DNAAF5: variants seen among roughly 807,000 people sequenced by gnomAD.
DNAAF5 encodes the protein dynein axonemal assembly factor 5.
DNAAF5 carries 64 observed loss-of-function variants against 75.8 expected under a neutral mutation model. That is an observed-to-expected ratio of 0.84 (90% CI 0.69 to 1.04). The LOEUF is 1.04. Ranked by LOEUF, DNAAF5 falls within the 50% of genes least tolerant of loss-of-function variation. DNAAF5 has a pLI of 0.00. For synonymous variants in DNAAF5, 657 were observed against 557.2 expected, an observed-to-expected ratio of 1.18 and a Z score of -2.52; for missense variants, 1,269 against 1,178.5, an observed-to-expected ratio of 1.08 and a Z score of -1.12.
chr7:740,686 T>C (rs757468786), intron 2 of DNAAF5, 133 bp from the exon 3 acceptor site: 4 of 1,270,118 alleles, frequency 3.1e-6, no homozygotes, highest in Non-Finnish European at 4.4e-6. Flanking sequence ...TAGGCGGTGG[T>C]AGGTGGCCCA....
At chr7:732,309 G>C (rs924094088) in intron 2 of DNAAF5, among the ~76,000 whole-genome samples, 1 of 152,258 alleles carries the variant, frequency 6.6e-6, no homozygotes, top group Non-Finnish European at 1.5e-5. Context: ...GAACCCCGGC[G>C]AGGCAGGCAG....
intron 7 of DNAAF5, among the ~76,000 whole-genome samples, chr7:763,498 G>A (rs1782728609): frequency 1.3e-5 from 2 of 152,198 alleles, no homozygotes; most frequent in African/African-American, 2.4e-5. Context: ...CTGCCCAGGC[G>A]GACACCACGT....
Position 756,907 on chromosome 7 carries a change from G to C in DNAAF5, c.1383G>C (p.Arg461=), listed in dbSNP as rs370779107. ...SGLLVLASAM[R]GCPREALQPH... ...TCCTGGTGCTGGCCTCCGCCATGCGGGGTTGCCCCCGAGAAGCCCTCCAGC... is the reference window on the plus strand; with the variant it reads ...TCCTGGTGCTGGCCTCCGCCATGCGCGGTTGCCCCCGAGAAGCCCTCCAGC... Residue 461 remains arginine (R), a synonymous_variant, in exon 6 of 13, where the codon CGG becomes CGC. Transcript: ENST00000297440. 2 of 1,612,102 alleles carry C rather than the reference G, an allele frequency of 1.2e-6. No homozygotes were observed. The highest frequency in any genetic ancestry group is 8.5e-7 in the Non-Finnish European group (1 of 1,179,994).
chr7:732,759 G>A (rs1781626317), intron 2 of DNAAF5, among the ~76,000 whole-genome samples: 1 of 152,116 alleles, frequency 6.6e-6, no homozygotes, highest in African/African-American at 2.4e-5. Context: ...GGGTATTTGT[G>A]CAGCTGTTTG....
intron 2 of DNAAF5, among the ~76,000 whole-genome samples, chr7:730,863 C>T (rs763803055): frequency 4.6e-5 from 7 of 152,196 alleles, no homozygotes; most frequent in Non-Finnish European, 8.8e-5. Flanking sequence ...GTACGCTGGC[C>T]GGCCCCTCCT....
intron 8 of DNAAF5, among the ~76,000 whole-genome samples, chr7:767,343 T>C (rs1017006612): frequency 6.6e-6 from 1 of 151,858 alleles, no homozygotes; most frequent in African/African-American, 2.4e-5. Flanking sequence ...CAAGGTGCTT[T>C]TGGAAAGCCG....
chr7:729,562 G>A (rs1341911629), intron 1 of DNAAF5, 101 bp from the exon 2 acceptor site: 6 of 1,109,400 alleles, frequency 5.4e-6, no homozygotes, highest in Non-Finnish European at 7.8e-6. Context: ...AGGAAGGGAG[G>A]TGAGGAACTC....
intron 12 of DNAAF5, among the ~76,000 whole-genome samples, chr7:782,067 C>G (rs913257752): frequency 6.6e-6 from 1 of 152,194 alleles, no homozygotes; most frequent in Non-Finnish European, 1.5e-5. Context: ...CAGCTGCGTC[C>G]GGTTTCCCGG....
intron 11 of DNAAF5, among the ~76,000 whole-genome samples, chr7:776,070 T>A (rs1778751984): frequency 6.6e-6 from 1 of 152,130 alleles, no homozygotes; most frequent in South Asian, 2.1e-4. Context: ...CCGGGCACGG[T>A]GGCTCACGCC....
intron 9 of DNAAF5, 102 bp from the exon 10 acceptor site, chr7:773,946 T>C (rs1489099368): frequency 1.4e-6 from 2 of 1,379,370 alleles, no homozygotes; most frequent in African/African-American, 2.9e-5. Context: ...GAGTTCGTTT[T>C]CCTGTTTGGC....
intron 6 of DNAAF5, among the ~76,000 whole-genome samples, chr7:758,844 G>A (rs1274417533): frequency 2.0e-5 from 3 of 151,978 alleles, no homozygotes; most frequent in East Asian, 1.9e-4. Flanking sequence ...CACCACACCC[G>A]GCTAATTTTT....
Position 786,106 on chromosome 7 carries a change from C to A in DNAAF5, c.*453C>A. 1 of 156,486 alleles carries A rather than the reference C, an allele frequency of 6.4e-6. No homozygotes were observed. Among genetic ancestry groups the A allele is most frequent in the Non-Finnish European group, 1.4e-5 (1 of 70,938 alleles). 9.7% of individuals were successfully genotyped at this position (156,486 alleles called of 1,614,324 possible). A position where few individuals can be genotyped will look rare whatever the true frequency, so the allele number is the denominator to read the frequency against. ...GGTTCTGTCTACTGAAATTTAATAT[C>A]TCAGTGAACAGACTAAAAGGAATTT... is the stretch of plus-strand genomic sequence containing the variant. On this transcript the variant is annotated 3_prime_UTR_variant, in exon 13 of 13. Coordinates refer to ENST00000297440, the MANE Select transcript of DNAAF5 (RefSeq NM_017802.4).
chr7:736,581 G>A (rs943694422), intron 2 of DNAAF5, among the ~76,000 whole-genome samples: 2 of 152,026 alleles, frequency 1.3e-5, no homozygotes, highest in Non-Finnish European at 1.5e-5. Flanking sequence ...TTTATTTTCA[G>A]CCTACGTGTG....
At chr7:755,896 G>T (rs1782464968) in intron 5 of DNAAF5, among the ~76,000 whole-genome samples, 1 of 152,236 alleles carries the variant, frequency 6.6e-6, no homozygotes, top group Admixed American at 6.5e-5. Flanking sequence ...CGGGGGTGAG[G>T]CTGAGAGGAC....
intron 4 of DNAAF5, among the ~76,000 whole-genome samples, chr7:742,148 C>T (rs568557227): frequency 3.0e-4 from 46 of 152,312 alleles, no homozygotes; most frequent in African/African-American, 9.6e-4. Flanking sequence ...GTTTAGAAAC[C>T]GCCCTCCTCT....
At chr7:747,557 T>C (rs62432222) in intron 4 of DNAAF5, among the ~76,000 whole-genome samples, 121,702 of 148,146 alleles carry the variant, frequency 0.82, 50,106 homozygotes, top group South Asian at 0.9. Context: ...CTGTTTTTAG[T>C]GTATCCAGCT....
intron 2 of DNAAF5, among the ~76,000 whole-genome samples, chr7:739,592 C>T (rs1347875534): frequency 6.6e-6 from 1 of 152,230 alleles, no homozygotes; most frequent in Admixed American, 6.5e-5. Context: ...CTGCTGCTCG[C>T]ACGCCGAGAG....
In DNAAF5 at chr7:761,667, T is replaced by G. The variant is rs1782648217; in HGVS notation, c.1471-86T>G. On this transcript the variant is annotated intron_variant, in intron 6 of 12. Coordinates refer to ENST00000297440, the MANE Select transcript of DNAAF5 (RefSeq NM_017802.4). ...GGTCCCTCCCAGGATACGTGGGGAT[T>G]ATGGGAGCTACAGTTCAAGATGGGA... is the stretch of plus-strand genomic sequence containing the variant. 6.5e-6 allele frequency: 9 copies of G among 1,388,540 alleles called. No individual in the cohort carries two copies. In the Admixed American group the frequency reaches 2.0e-4, roughly 31 times the overall value. The allele number at this position is 1,388,540 out of a possible 1,614,324, so 86.0% of individuals were successfully genotyped here. A position where few individuals can be genotyped will look rare whatever the true frequency, so the allele number is the denominator to read the frequency against.
At chr7:732,240 A>G (rs973816997) in intron 2 of DNAAF5, among the ~76,000 whole-genome samples, 1 of 152,220 alleles carries the variant, frequency 6.6e-6, no homozygotes, top group Non-Finnish European at 1.5e-5. Context: ...GCAGGGGCTA[A>G]TGCATCTCCC....
Sources: allele counts gnomAD v4.1 joint callset (sites outside exome capture counted in the v4.1 genomes callset), GRCh38; gene constraint gnomAD v4.1.1; transcripts MANE v1.5; gene names NCBI Gene and HGNC (gene_info 2026-07-23, HGNC 2026-07-21).